The following KMT2E variants were observed in gnomAD, a reference collection of about 807,000 sequenced individuals.
KMT2E encodes the protein lysine methyltransferase 2E (inactive).
In KMT2E, 30 loss-of-function variants were observed where a neutral mutation model predicts 184.6. That is an observed-to-expected ratio of 0.16 (90% confidence interval 0.12 to 0.22). KMT2E has a LOEUF of 0.22. Among genes scored for constraint, KMT2E ranks in the 10% least tolerant of loss-of-function variants. KMT2E has a pLI of 1.00. For missense variants in KMT2E, 2,023 were observed against 2,237.4 expected (o/e 0.90, Z 1.93); for synonymous variants, 815 against 776.5 (o/e 1.05, Z -0.82).
chr7:105,049,604 A>G (rs999378604), intron 3 of KMT2E, among the ~76,000 whole-genome samples: 1 of 151,002 alleles, frequency 6.6e-6, no homozygotes, highest in Non-Finnish European at 1.5e-5. Context: ...ACAAAACAGA[A>G]AAATGGCCAG....
intron 22 of KMT2E, chr7:105,108,549 A>AT (rs1162106992): frequency 2.2e-6 from 1 of 456,288 alleles, no homozygotes; most frequent in Non-Finnish European, 4.4e-6. Context: ...AACAGAGTCC[A>AT]GTTGGCAACT....
At chr7:105,020,077 C>T (rs113989377) in intron 1 of KMT2E, among the ~76,000 whole-genome samples, 1 of 145,440 alleles carries the variant, frequency 6.9e-6, no homozygotes, top group Non-Finnish European at 1.5e-5. Context: ...CACTGTACTT[C>T]AGCCTGGGCG....
At chr7:105,079,784 A>C (rs988809229) in intron 12 of KMT2E, among the ~76,000 whole-genome samples, 5 of 151,028 alleles carry the variant, frequency 3.3e-5, no homozygotes, top group African/African-American at 1.2e-4. Context: ...TTAGCCTCCC[A>C]AAGGGCTGGG....
intron 1 of KMT2E, among the ~76,000 whole-genome samples, chr7:105,015,161 A>C (rs1367008023): frequency 6.6e-6 from 1 of 151,414 alleles, no homozygotes; most frequent in African/African-American, 2.4e-5. Context: ...CTCCTCCCCC[A>C]CTCCTTTTGC....
chr7:105,103,116 A>G (rs1209147250), intron 17 of KMT2E: 1 of 152,236 alleles, frequency 6.6e-6, no homozygotes, highest in Non-Finnish European at 1.5e-5. Context: ...GGACAAAAAA[A>G]TTCTAACTTT....
intron 6 of KMT2E, among the ~76,000 whole-genome samples, chr7:105,069,907 CATACATTTA>C (rs1797211182): frequency 6.6e-6 from 1 of 152,096 alleles, no homozygotes; most frequent in Non-Finnish European, 1.5e-5. Flanking sequence ...TAAATGAAGT[CATACATTTA>C]TGACTTCATT....
chr7:105,039,709 A>C (rs925977075), intron 2 of KMT2E, among the ~76,000 whole-genome samples: 9 of 152,202 alleles, frequency 5.9e-5, no homozygotes, highest in Non-Finnish European at 1.2e-4. Flanking sequence ...GAGAGCTACC[A>C]GATTACTAAT....
intron 3 of KMT2E, among the ~76,000 whole-genome samples, chr7:105,045,176 C>G (rs948148823): frequency 6.6e-5 from 10 of 152,230 alleles, no homozygotes. Flanking sequence ...GACCATGCTA[C>G]CATCACATTA....
intron 3 of KMT2E, among the ~76,000 whole-genome samples, chr7:105,058,851 C>T (rs1015476180): frequency 2.0e-5 from 3 of 151,986 alleles, no homozygotes; most frequent in African/African-American, 7.2e-5. Flanking sequence ...GGAAATTTCC[C>T]ATGGATAAAG....
In KMT2E at chr7:105,113,640, T is replaced by TATTA. The variant is rs1444421596; in HGVS notation, c.*308_*311dup. On this transcript the variant is annotated 3_prime_UTR_variant, in exon 27 of 27. Coordinates refer to ENST00000311117, the MANE Select transcript of KMT2E (RefSeq NM_182931.3). ...AGTTAAATTCATTTAGTGAATGTTC[T>TATTA]ATTATTTTATACATACACATTAAGT... The TATTA allele has an allele frequency of 4.9e-5, 13 of 264,200 alleles. No individual in the cohort carries two copies. The highest frequency in any genetic ancestry group is 6.5e-5 in the Non-Finnish European group (9 of 138,066). The allele number at this position is 264,200 out of a possible 1,614,324, so 16.4% of individuals were successfully genotyped here.
At chr7:105,069,988 C>G (rs1407273903) in intron 6 of KMT2E, among the ~76,000 whole-genome samples, 3 of 152,170 alleles carry the variant, frequency 2.0e-5, no homozygotes, top group Non-Finnish European at 4.4e-5. Context: ...CTAGAGAGCC[C>G]TCCAATTTGT....
At position 105,107,641 on chromosome 7, in the gene KMT2E, A is replaced by C. The variant is rs911426682; in HGVS notation, c.3184A>C (p.Thr1062Pro). Residue 1062 changes from threonine to proline, a missense_variant, in exon 22 of 27, where the codon ACA (threonine) becomes CCA (proline). This residue lies in a region of KMT2E where 1,108 missense variants were observed against 1,050.9 expected (regional missense o/e 1.05). Transcript: ENST00000311117. ...QLDSTHSGRG[T>P]MYSSWVKSPD... ...GGACTCGACTCACTCTGGACGGGGC[A>C]CAATGTATTCTTCCTGGGTAAAGAG... is the stretch of plus-strand genomic sequence containing the variant. 6.2e-7 allele frequency: 1 copy of C among 1,614,096 alleles called. No homozygotes were observed. The highest frequency in any genetic ancestry group is 1.3e-5 in the African/African-American group (1 of 74,950).
intron 7 of KMT2E, among the ~76,000 whole-genome samples, chr7:105,074,389 G>T (rs1343332838): frequency 6.6e-6 from 1 of 152,168 alleles, no homozygotes; most frequent in Non-Finnish European, 1.5e-5. Flanking sequence ...CACTCGTAGT[G>T]TATGAGAGTG....
chr7:105,023,117 G>A (rs1188125045), intron 1 of KMT2E, among the ~76,000 whole-genome samples: 1 of 152,064 alleles, frequency 6.6e-6, no homozygotes, highest in Non-Finnish European at 1.5e-5. Flanking sequence ...TTGAGTTACA[G>A]TTGTATTGTT....
In KMT2E at chr7:105,107,585, C is replaced by T. The variant is rs1798966706; in HGVS notation, c.3128C>T (p.Ala1043Val). The T allele has an allele frequency of 1.2e-6, 2 of 1,614,072 alleles. No homozygotes were observed. Among genetic ancestry groups the T allele is most frequent in the Non-Finnish European group, 1.7e-6 (2 of 1,179,994 alleles). ...CTACATAAAACCCTGGAAACGCCTG[C>T]ACATGACAGGGCTGAGCCCAACAGC... Reference protein sequence around the residue: ...TALHKTLETPAHDRAEPNSQL... With the variant: ...TALHKTLETPVHDRAEPNSQL... Residue 1043 changes from alanine (A) to valine (V), a missense_variant, in exon 22 of 27, where the codon GCA becomes GTA. Coordinates refer to ENST00000311117, the MANE Select transcript of KMT2E (RefSeq NM_182931.3).
rs10598888 is a variant in KMT2E, at chr7:105,076,872, TTGTGTGTGTGTGTGTGTGTGTGTGTGTG to T, written c.769-71_769-44del. The T allele has an allele frequency of 2.5e-4, 155 of 632,338 alleles. 2 individuals are homozygous for T. The highest frequency in any genetic ancestry group is 8.4e-4 in the Middle Eastern group (3 of 3,586). The allele number at this position is 632,338 out of a possible 1,614,324, so 39.2% of individuals were successfully genotyped here. A position where few individuals can be genotyped will look rare whatever the true frequency, so the allele number is the denominator to read the frequency against. Reference sequence around the variant, plus strand: ...TCTTTTGTATAGATTGCCGTTAATTTTGTGTGTGTGTGTGTGTGTGTGTGTGTGTGTGTGTGTGTGTGTGTGTAAGTCC... The same window carrying T: ...TCTTTTGTATAGATTGCCGTTAATTTTGTGTGTGTGTGTGTGTGTAAGTCC... On this transcript the variant is annotated intron_variant, in intron 9 of 26. Transcript: ENST00000311117.
chr7:105,105,512 C>T lies in KMT2E; in HGVS notation c.2270C>T (p.Pro757Leu). 1 of 1,613,660 alleles carries T rather than the reference C, an allele frequency of 6.2e-7. No individual in the cohort carries two copies. The highest frequency in any genetic ancestry group is 8.5e-7 in the Non-Finnish European group (1 of 1,179,828). Residue 757 changes from proline (P) to leucine (L), a missense_variant, in exon 18 of 27, where the codon CCT becomes CTT. Transcript: ENST00000311117. ...GKPSDGLSER[P>L]LRITTDPEVL... ...CCTTCAGATGGCCTTTCAGAAAGGC[C>T]TCTACGCATAACTACAGATCCTGAA... is the stretch of plus-strand genomic sequence containing the variant.
In KMT2E at chr7:105,098,234, ATT is replaced by A. The variant is rs34674654; in HGVS notation, c.1723-3175_1723-3174del. ...GGTGGGCTCTGGCTTTCCTTTTCCT[ATT>A]TTTTTTTTTTTTTTTAGATAAAGAC... On this transcript the variant is annotated intron_variant, in intron 15 of 26. Transcript: ENST00000311117. Among the ~76,000 whole-genome samples the A allele has an allele frequency of 7.5e-3, 1,028 of 136,866 alleles. 7 individuals are homozygous for A. Among genetic ancestry groups the A allele is most frequent in the African/African-American group, 0.018 (686 of 38,884 alleles). 89.8% of individuals were successfully genotyped at this position (136,866 alleles called of 152,430 possible).
intron 3 of KMT2E, among the ~76,000 whole-genome samples, chr7:105,048,914 A>AT (rs1796215632): frequency 6.6e-6 from 1 of 152,122 alleles, no homozygotes; most frequent in Admixed American, 6.5e-5. Context: ...GAAGAGTACT[A>AT]TTTTTTCTCT....
Sources: allele counts gnomAD v4.1 joint callset (sites outside exome capture counted in the v4.1 genomes callset), GRCh38; gene constraint gnomAD v4.1.1; regional missense constraint gnomAD v4.1.1; transcripts MANE v1.5; gene names NCBI Gene and HGNC (gene_info 2026-07-23, HGNC 2026-07-21).